The following DPP10 variants were observed in gnomAD, a reference collection of about 807,000 sequenced individuals.
The protein encoded by DPP10 is inactive dipeptidyl peptidase 10.
A neutral mutation model predicts 120.9 loss-of-function variants in DPP10; 33 were observed. The observed-to-expected ratio is 0.27, with a 90% CI of 0.21 to 0.37. The LOEUF is 0.37. DPP10 is among the 10% of genes least tolerant of loss of function. The pLI, the probability that DPP10 is intolerant of heterozygous loss-of-function variation, is 1.00. For missense variants in DPP10, 816 were observed against 942.8 expected (o/e 0.87, Z 1.76); for synonymous variants, 337 against 326.1 (o/e 1.03, Z -0.36).
chr2:114,897,064 C>G (rs34301313), intron 1 of DPP10, among the ~76,000 whole-genome samples: 40,625 of 151,952 alleles, frequency 0.27, 5,985 homozygotes, highest in East Asian at 0.59. Flanking sequence ...ATTGAACCAG[C>G]CTTGCATCCC....
chr2:115,583,480 G>A (rs2082115535), intron 5 of DPP10, among the ~76,000 whole-genome samples: 1 of 152,176 alleles, frequency 6.6e-6, no homozygotes, highest in Admixed American at 6.5e-5. Context: ...CGAGTAGATG[G>A]TGCCTGGATG....
chr2:114,445,120 A>T (rs1677868138), intron 1 of DPP10, among the ~76,000 whole-genome samples: 1 of 152,196 alleles, frequency 6.6e-6, no homozygotes, highest in Admixed American at 6.6e-5. Context: ...ATTGGAGCTC[A>T]AAATACTCTT....
intron 12 of DPP10, among the ~76,000 whole-genome samples, chr2:115,764,575 T>A (rs1680497409): frequency 6.6e-6 from 1 of 152,170 alleles, no homozygotes; most frequent in Non-Finnish European, 1.5e-5. Context: ...TTACTTTGAT[T>A]GCCAGTGACA....
chr2:115,669,870 A>G (rs900178506), intron 5 of DPP10, among the ~76,000 whole-genome samples: 3 of 152,176 alleles, frequency 2.0e-5, no homozygotes, highest in Non-Finnish European at 2.9e-5. Flanking sequence ...AAAGAAAACT[A>G]TATTCCAAAA....
intron 17 of DPP10, among the ~76,000 whole-genome samples, chr2:115,783,575 T>C (rs753382939): frequency 2.0e-5 from 3 of 152,190 alleles, no homozygotes; most frequent in Non-Finnish European, 4.4e-5. Flanking sequence ...AAGAAATTTC[T>C]AAATTTGTGT....
intron 7 of DPP10, among the ~76,000 whole-genome samples, chr2:115,720,563 AT>A (rs772164373): frequency 6.6e-6 from 1 of 152,126 alleles, no homozygotes; most frequent in African/African-American, 2.4e-5. Flanking sequence ...CTGATAAAAA[AT>A]AACTGTAAAT....
At chr2:114,833,112 T>C (rs920293617) in intron 1 of DPP10, among the ~76,000 whole-genome samples, 4 of 152,244 alleles carry the variant, frequency 2.6e-5, no homozygotes, top group African/African-American at 9.6e-5. Context: ...CTCATTTAAC[T>C]GTATTTATCT....
At chr2:114,849,585 C>G (rs921175919) in intron 1 of DPP10, among the ~76,000 whole-genome samples, 1 of 152,154 alleles carries the variant, frequency 6.6e-6, no homozygotes, top group Non-Finnish European at 1.5e-5. Context: ...GAGCAAGACT[C>G]AAGTGATCCT....
intron 1 of DPP10, among the ~76,000 whole-genome samples, chr2:115,260,428 A>G (rs1053201329): frequency 1.3e-5 from 2 of 152,166 alleles, no homozygotes; most frequent in African/African-American, 4.8e-5. Flanking sequence ...TTGCTGTTCA[A>G]TTGGAGGTCA....
At chr2:114,622,734 G>T (rs540031858) in intron 1 of DPP10, among the ~76,000 whole-genome samples, 58 of 152,190 alleles carry the variant, frequency 3.8e-4, no homozygotes, top group Non-Finnish European at 6.5e-4. Context: ...CTGAAAATAG[G>T]AGTCCATGGT....
intron 1 of DPP10, among the ~76,000 whole-genome samples, chr2:115,178,362 C>T (rs765386237): frequency 2.6e-5 from 4 of 152,056 alleles, no homozygotes; most frequent in Admixed American, 6.6e-5. Context: ...AGTTATGTGG[C>T]CCTAGTCAAA....
chr2:115,733,269 T>A (rs534854317), intron 8 of DPP10, among the ~76,000 whole-genome samples: 1 of 152,312 alleles, frequency 6.6e-6, no homozygotes, highest in South Asian at 2.1e-4. Flanking sequence ...TTTGGCGACA[T>A]GAAATTGCAT....
At chr2:114,988,708 T>C (rs1700577936) in intron 1 of DPP10, among the ~76,000 whole-genome samples, 1 of 152,238 alleles carries the variant, frequency 6.6e-6, no homozygotes, top group Non-Finnish European at 1.5e-5. Flanking sequence ...CTTCTACCGC[T>C]ATTATGACAC....
At chr2:115,505,802 T>C (rs1408070866) in intron 4 of DPP10, among the ~76,000 whole-genome samples, 1 of 152,152 alleles carries the variant, frequency 6.6e-6, no homozygotes, top group Non-Finnish European at 1.5e-5. Context: ...AATAATGTAT[T>C]GTGTATTTCA....
At chr2:114,478,414 C>T (rs1291532979) in intron 1 of DPP10, among the ~76,000 whole-genome samples, 1 of 151,932 alleles carries the variant, frequency 6.6e-6, no homozygotes, top group African/African-American at 2.4e-5. Context: ...AGAGAAATTT[C>T]CTTAACTTGA....
chr2:114,949,083 C>T (rs982053352), intron 1 of DPP10, among the ~76,000 whole-genome samples: 1 of 152,036 alleles, frequency 6.6e-6, no homozygotes. Flanking sequence ...TGCCACCACA[C>T]CCGGCTAATT....
chr2:115,449,670 C>A (rs925850644), intron 3 of DPP10, among the ~76,000 whole-genome samples: 2 of 151,982 alleles, frequency 1.3e-5, no homozygotes, highest in African/African-American at 2.4e-5. Context: ...GGAGGCTTGA[C>A]GGAGACTTTG....
chr2:115,774,902 A>C (rs990836619), intron 13 of DPP10, among the ~76,000 whole-genome samples: 6 of 152,120 alleles, frequency 3.9e-5, no homozygotes, highest in African/African-American at 1.4e-4. Context: ...TTCTGAATTT[A>C]TTTTTACCAA....
At chr2:114,498,294 C>A (rs964030624) in intron 1 of DPP10, among the ~76,000 whole-genome samples, 3 of 152,096 alleles carry the variant, frequency 2.0e-5, no homozygotes, top group Non-Finnish European at 2.9e-5. Flanking sequence ...ACTTGGTACC[C>A]TTTGAACAAC....
Sources: allele counts gnomAD v4.1 joint callset (sites outside exome capture counted in the v4.1 genomes callset), GRCh38; gene constraint gnomAD v4.1.1; transcripts MANE v1.5; gene names NCBI Gene and HGNC (gene_info 2026-07-23, HGNC 2026-07-21).